The following APOD variants were observed in gnomAD, a reference collection of about 807,000 sequenced individuals.
The protein encoded by APOD is apolipoprotein D, also known as apo-D.
A neutral mutation model predicts 20.4 loss-of-function variants in APOD; 22 were observed. The ratio of observed to expected loss-of-function variants is 1.08; its 90% CI spans 0.77 to 1.54. APOD has a LOEUF of 1.54. Among genes scored for constraint, APOD ranks in the 40% most tolerant of loss-of-function variants. The pLI is 0.00. For synonymous variants in APOD, 97 were observed against 92.4 expected (o/e 1.05, Z -0.29); for missense variants, 223 against 229.6 (o/e 0.97, Z 0.19).
intron 1 of APOD, among the ~76,000 whole-genome samples, chr3:195,583,515 G>A (rs768740900): frequency 7.2e-5 from 11 of 152,106 alleles, no homozygotes; most frequent in Non-Finnish European, 1.2e-4. Context: ...ATTTTACTGC[G>A]ATGCACCGTT....
In APOD at chr3:195,569,080, G is replaced by A. The variant is rs570512846; in HGVS notation, c.390C>T (p.Leu130=). 3.7e-5 allele frequency: 60 copies of A among 1,614,140 alleles called. No individual in the cohort carries two copies. The highest frequency in any genetic ancestry group is 3.3e-4 in the Middle Eastern group (2 of 6,062). ...ILATDYENYA[L]VYSCTCIIQL... is the part of the protein sequence containing the mutation. The stretch of plus-strand genomic sequence containing the variant: ...GGATGATGCAGGTACAGGAATACAC[G>A]AGGGCATAGTTCTCATAGTCGGTGG... The change falls in exon 5 of 5, where the codon CTC becomes CTT. Residue 130 remains leucine, a synonymous_variant. Coordinates refer to ENST00000343267, the MANE Select transcript of APOD (RefSeq NM_001647.4).
At chr3:195,580,829 G>A (rs1302016934) in intron 1 of APOD, among the ~76,000 whole-genome samples, 4 of 152,210 alleles carry the variant, frequency 2.6e-5, no homozygotes, top group East Asian at 3.9e-4. Context: ...GCTTTGAAGC[G>A]GGGCAGCAAG....
intron 4 of APOD, among the ~76,000 whole-genome samples, chr3:195,570,109 A>G (rs1241228087): frequency 1.3e-5 from 2 of 152,044 alleles, no homozygotes; most frequent in African/African-American, 4.8e-5. Context: ...ATAATCTCCC[A>G]TAATCCTACA....
At chr3:195,569,708 G>A (rs1720124475) in intron 4 of APOD, among the ~76,000 whole-genome samples, 1 of 150,836 alleles carries the variant, frequency 6.6e-6, no homozygotes, top group South Asian at 2.1e-4. Flanking sequence ...TGGCATTCAA[G>A]GCCCTTCCTA....
chr3:195,574,370 A>T (rs148288644), intron 2 of APOD, among the ~76,000 whole-genome samples: 299 of 152,330 alleles, frequency 2.0e-3, no homozygotes, highest in African/African-American at 7.0e-3. Context: ...AACTTTCCTC[A>T]TCTGACCCTG....
chr3:195,573,720 C>T, intron 3 of APOD, 130 bp downstream of exon 3: 1 of 1,238,844 alleles, frequency 8.1e-7, no homozygotes, highest in Non-Finnish European at 1.1e-6. Context: ...GCTTTCCTCT[C>T]AATTCCTGCT....
At chr3:195,573,408 G>A (rs1325926403) in intron 3 of APOD, among the ~76,000 whole-genome samples, 2 of 152,208 alleles carry the variant, frequency 1.3e-5, no homozygotes. Context: ...TGTGATTCTT[G>A]CTTAATAAGA....
chr3:195,569,796 T>TCG (rs1267666294), intron 4 of APOD, among the ~76,000 whole-genome samples: 1 of 125,298 alleles, frequency 8.0e-6, no homozygotes, highest in African/African-American at 3.1e-5. Context: ...GTTTTTTTTT[T>TCG]TTTTTTTTTT....
rs561534948 is a variant in APOD at position 195,579,715 on chromosome 3, C to T, written c.-34-220G>A. On this transcript the variant is annotated intron_variant, in intron 1 of 4. Coordinates refer to ENST00000343267, the MANE Select transcript of APOD (RefSeq NM_001647.4). ...GCACCTCCACGAGGGCGCTCTCTGC[C>T]TGGTATTCTGGTTTGTTGGATTGAT... 2.0e-5 allele frequency among the ~76,000 whole-genome samples: 3 copies of T among 152,302 alleles called. No homozygotes were observed. In the East Asian group the frequency reaches 5.8e-4, roughly 29 times the overall value.
rs1720383114 is a variant in APOD at position 195,583,940 on chromosome 3, T to C, written c.-97A>G. On this transcript the variant is annotated 5_prime_UTR_variant, in exon 1 of 5. Transcript: ENST00000343267. Reference sequence around the variant, plus strand: ...ATCAGCCGATTTGAGATGCCTGTCTTGGTGACTGGCCTCTCCCAAGCTATT... The same window carrying C: ...ATCAGCCGATTTGAGATGCCTGTCTCGGTGACTGGCCTCTCCCAAGCTATT... The C allele has an allele frequency of 1.3e-5, 2 of 152,172 alleles. No individual in the cohort carries two copies. The highest frequency in any genetic ancestry group is 2.4e-5 in the African/African-American group (1 of 41,430). The allele number at this position is 152,172 out of a possible 1,614,324, so 9.4% of individuals were successfully genotyped here. A position where few individuals can be genotyped will look rare whatever the true frequency, so the allele number is the denominator to read the frequency against.
chr3:195,571,155 A>C, intron 4 of APOD, 122 bp downstream of exon 4: 3 of 873,704 alleles, frequency 3.4e-6, no homozygotes, highest in Non-Finnish European at 5.8e-6. Flanking sequence ...TTGACAGATA[A>C]TTATGTGCTG....
At chr3:195,583,543 T>C (rs1200386309) in intron 1 of APOD, among the ~76,000 whole-genome samples, 2 of 152,330 alleles carry the variant, frequency 1.3e-5, no homozygotes, top group African/African-American at 4.8e-5. Context: ...TTGCTGAGAA[T>C]TCACCTAGGA....
At chr3:195,572,729 T>G (rs1437714433) in intron 3 of APOD, among the ~76,000 whole-genome samples, 2 of 152,022 alleles carry the variant, frequency 1.3e-5, no homozygotes, top group South Asian at 2.1e-4. Flanking sequence ...GTCAGTAGGT[T>G]GGCCGGGCGT....
intron 1 of APOD, among the ~76,000 whole-genome samples, chr3:195,580,923 T>C (rs13302958): frequency 0.31 from 46,809 of 152,110 alleles, 7,883 homozygotes; most frequent in East Asian, 0.48. Flanking sequence ...CGCTGTCAAT[T>C]TGCTCCTTTC....
intron 3 of APOD, among the ~76,000 whole-genome samples, chr3:195,572,482 T>C (rs1720178083): frequency 6.6e-6 from 1 of 152,202 alleles, no homozygotes. Context: ...GCTGGGGGCT[T>C]AGATTGGATG....
chr3:195,581,775 C>A (rs1170010989), intron 1 of APOD, among the ~76,000 whole-genome samples: 1 of 152,228 alleles, frequency 6.6e-6, no homozygotes, highest in Non-Finnish European at 1.5e-5. Context: ...CTCTTGTGAG[C>A]TGAAACAGAT....
chr3:195,571,820 C>CCCAGGCT (rs1198054854), intron 3 of APOD, among the ~76,000 whole-genome samples: 1 of 151,946 alleles, frequency 6.6e-6, no homozygotes. Flanking sequence ...TGCTCTGTCC[C>CCCAGGCT]CCAGGCTGGA....
At chr3:195,571,500 G>A (rs1720159047) in intron 3 of APOD, 135 bp from the exon 4 acceptor site, 1 of 739,342 alleles carries the variant, frequency 1.4e-6, no homozygotes, top group African/African-American at 1.8e-5. Flanking sequence ...GTGATTTCTG[G>A]TAAGAGAGGC....
At chr3:195,581,669 C>T (rs1395339039) in intron 1 of APOD, among the ~76,000 whole-genome samples, 1 of 152,230 alleles carries the variant, frequency 6.6e-6, no homozygotes, top group African/African-American at 2.4e-5. Context: ...GCCATAGGGC[C>T]TTTCAATAAC....
Sources: allele counts gnomAD v4.1 joint callset (sites outside exome capture counted in the v4.1 genomes callset), GRCh38; gene constraint gnomAD v4.1.1; transcripts MANE v1.5; gene names NCBI Gene and HGNC (gene_info 2026-07-23, HGNC 2026-07-21).